CYP24A1: variants seen among roughly 807,000 people sequenced by gnomAD.
CYP24A1 encodes the protein cytochrome P450 family 24 subfamily A member 1, also known as 1,25-dihydroxyvitamin D(3) 24-hydroxylase, mitochondrial.
In CYP24A1, 68 loss-of-function variants were observed where a neutral mutation model predicts 62.4. The ratio of observed to expected loss-of-function variants is 1.09; its 90% CI spans 0.90 to 1.33. CYP24A1 has a LOEUF of 1.33. Ranked by LOEUF, CYP24A1 falls within the 40% of genes most tolerant of loss-of-function variation. CYP24A1 has a pLI of 0.00. For synonymous variants in CYP24A1, 267 were observed against 253.0 expected (o/e 1.06, Z -0.52); for missense variants, 787 against 653.0 (o/e 1.21, Z -2.24).
chr20:54,173,134 G>T lies in CYP24A1; in HGVS notation c.259-35C>A, dbSNP rs548016409. Reference sequence around the variant, plus strand: ...GCCGGGCACAGCGCGGTGTCAGCGCGCATCCTCCGCCGTGCCCGAAGCGCT... The same window carrying T: ...GCCGGGCACAGCGCGGTGTCAGCGCTCATCCTCCGCCGTGCCCGAAGCGCT... On this transcript the variant is annotated intron_variant, in intron 1 of 11. Transcript: ENST00000216862. The surrounding 1 kb of genome is among the most constrained non-coding windows in gnomAD (Gnocchi z 7.2). The T allele has an allele frequency of 4.4e-6, 7 of 1,596,098 alleles. No individual in the cohort carries two copies. The East Asian group carries it at 1.3e-4, about 31-fold the overall frequency.
chr20:54,149,093 C>T (rs1238979043), downstream of CYP24A1, among the ~76,000 whole-genome samples: 1 of 152,242 alleles, frequency 6.6e-6, no homozygotes, highest in Non-Finnish European at 1.5e-5. Context: ...TGATGCTTGG[C>T]TTACAGATCT....
downstream of CYP24A1, among the ~76,000 whole-genome samples, chr20:54,151,508 T>C (rs904257125): frequency 2.6e-5 from 4 of 151,766 alleles, no homozygotes; most frequent in African/African-American, 9.7e-5. Context: ...AGTTGCCAAA[T>C]AGTGATTTTT....
chr20:54,165,777 C>T lies in CYP24A1; in HGVS notation c.697G>A (p.Asp233Asn). ...GCCATGATGAAGTTCACAGCTTCATCCCCTGCATTCTTCTGGAGAAGCCCA... is the reference window on the plus strand; with the variant it reads ...GCCATGATGAAGTTCACAGCTTCATTCCCTGCATTCTTCTGGAGAAGCCCA... ...RFGLLQKNAG[D>N]EAVNFIMAIK... The change falls in exon 5 of 12, where the codon GAT becomes AAT. Residue 233 changes from aspartate to asparagine, a missense_variant. Transcript: ENST00000216862. The T allele has an allele frequency of 1.3e-6, 2 of 1,542,426 alleles. No individual in the cohort carries two copies. Among genetic ancestry groups the T allele is most frequent in the South Asian group, 1.1e-5 (1 of 89,732 alleles).
At chr20:54,152,562 TAGG>T (rs745375374), downstream of CYP24A1, among the ~76,000 whole-genome samples, 4 of 152,114 alleles carry the variant, frequency 2.6e-5, no homozygotes, top group Admixed American at 2.0e-4. Flanking sequence ...AGATGGTGCG[TAGG>T]AGAAGAACAG....
intron 4 of CYP24A1, among the ~76,000 whole-genome samples, chr20:54,166,868 C>A (rs1282111895): frequency 6.6e-6 from 1 of 151,746 alleles, no homozygotes; most frequent in Admixed American, 6.6e-5. Context: ...GCTGTCTCTA[C>A]AAAAAAATAA....
At chr20:54,159,946 AC>A (rs2092644333) in intron 7 of CYP24A1, among the ~76,000 whole-genome samples, 1 of 152,240 alleles carries the variant, frequency 6.6e-6, no homozygotes, top group Non-Finnish European at 1.5e-5. Flanking sequence ...GATATAAAAA[AC>A]ATTCATATAA....
downstream of CYP24A1, among the ~76,000 whole-genome samples, chr20:54,149,741 A>G (rs1202984446): frequency 1.3e-5 from 2 of 152,196 alleles, no homozygotes; most frequent in Non-Finnish European, 2.9e-5. Flanking sequence ...GAGTGGAAAG[A>G]TGACTATGGA....
rs1160140564 is a variant in CYP24A1 at position 54,173,490 on chromosome 20, A to G, written c.90T>C (p.Ser30=). Residue 30 remains serine, a synonymous_variant, in exon 1 of 12, where the codon TCT becomes TCC. Transcript: ENST00000216862. This position sits in a 1 kb window ranked among gnomAD's most constrained non-coding sequence, Gnocchi z 7.2. ...GCGGCTGAGGGGACGTGTACGCCGT[A>G]GATGTCACCAGTCTCGGGGGCTGCC... ...SPRQPPRLVT[S]TAYTSPQPRE... 6.4e-7 allele frequency: 1 copy of G among 1,566,224 alleles called. No homozygotes were observed. Among genetic ancestry groups the G allele is most frequent in the Admixed American group, 1.9e-5 (1 of 53,612 alleles).
downstream of CYP24A1, among the ~76,000 whole-genome samples, chr20:54,150,419 CG>C (rs1365250326): frequency 7.6e-6 from 1 of 132,370 alleles, no homozygotes; most frequent in African/African-American, 3.2e-5. Context: ...CTGTAACCTC[CG>C]CCCCCCAGGT....
chr20:54,168,219 C>T (rs576291981), intron 4 of CYP24A1, among the ~76,000 whole-genome samples: 31 of 152,336 alleles, frequency 2.0e-4, no homozygotes, highest in African/African-American at 5.8e-4. Context: ...CTCAGCCAGG[C>T]GCTGTCCCAC....
intron 3 of CYP24A1, among the ~76,000 whole-genome samples, chr20:54,170,208 T>G (rs2092689239): frequency 6.6e-6 from 1 of 152,232 alleles, no homozygotes; most frequent in South Asian, 2.1e-4. Context: ...GTCTATGACC[T>G]TGGGATAGTC....
chr20:54,173,346 AC>A lies in CYP24A1; in HGVS notation c.233del (p.Gly78ValfsTer22), dbSNP rs1568976467. The A allele has an allele frequency of 6.2e-7, 1 of 1,607,136 alleles. No homozygotes were observed. The highest frequency in any genetic ancestry group is 1.7e-4 in the Middle Eastern group (1 of 6,050). On this transcript the variant is annotated frameshift_variant, in exon 1 of 12. Coordinates refer to ENST00000216862, the MANE Select transcript of CYP24A1 (RefSeq NM_000782.5). LOFTEE classifies it high-confidence loss of function. The surrounding 1 kb of genome is among the most constrained non-coding windows in gnomAD (Gnocchi z 7.2). ...GSLLQILWKG[G>X]LKKQHDTLVE... ...CCAGGGTGTCGTGCTGTTTCTTGAGACCCCCTTTCCAGAGAATCTGCAGCAG... is the reference window on the plus strand; with the variant it reads ...CCAGGGTGTCGTGCTGTTTCTTGAGACCCCTTTCCAGAGAATCTGCAGCAG...
Position 54,173,445 on chromosome 20 carries a change from C to A in CYP24A1, c.135G>T (p.Pro45=). ...SPQPREVPVC[P]LTAGGETQNA... is the part of the protein sequence containing the mutation. Reference sequence around the variant, plus strand: ...TCTGAGTCTCGCCACCAGCTGTCAGCGGGCAGACTGGCACCTCTCGCGGCT... The same window carrying A: ...TCTGAGTCTCGCCACCAGCTGTCAGAGGGCAGACTGGCACCTCTCGCGGCT... Residue 45 remains proline, a synonymous_variant, in exon 1 of 12, where the codon CCG becomes CCT. Coordinates refer to ENST00000216862, the MANE Select transcript of CYP24A1 (RefSeq NM_000782.5). This position sits in a 1 kb window ranked among gnomAD's most constrained non-coding sequence, Gnocchi z 7.2. 2 of 1,568,252 alleles carry A rather than the reference C, an allele frequency of 1.3e-6. No homozygotes were observed. Among genetic ancestry groups the A allele is most frequent in the Non-Finnish European group, 1.7e-6 (2 of 1,156,224 alleles).
chr20:54,171,975 G>A (rs923351534), intron 2 of CYP24A1: 5 of 463,572 alleles, frequency 1.1e-5, no homozygotes, highest in African/African-American at 8.0e-5. Flanking sequence ...GGGGCTGGGA[G>A]GCCTGGGGAC....
the CYP24A1 span, among the ~76,000 whole-genome samples, chr20:54,148,308 TG>T: frequency 6.6e-6 from 1 of 151,858 alleles, no homozygotes; most frequent in Non-Finnish European, 1.5e-5. Flanking sequence ...TTCAAGCATT[TG>T]CATTTTACTA....
At chr20:54,158,223 T>A in intron 8 of CYP24A1, 59 bp from the exon 9 acceptor site, 1 of 1,607,454 alleles carries the variant, frequency 6.2e-7, no homozygotes, top group Non-Finnish European at 8.5e-7. Context: ...CTCTGAAGTG[T>A]CAATGGGAAT....
At chr20:54,171,432 G>A (rs889205772) in intron 3 of CYP24A1, 145 bp downstream of exon 3, 20 of 1,511,274 alleles carry the variant, frequency 1.3e-5, no homozygotes, top group Non-Finnish European at 1.7e-5. Context: ...GCTGTAGGAA[G>A]GAATGGAGAG....
Position 54,173,592 on chromosome 20 carries a change from C to T in CYP24A1, c.-13G>A. ...TGGGGGAGCTCATGGCAGCGGGGGA[C>T]ACCGGAGCGCGGGAAGGCAGGAGGA... On this transcript the variant is annotated 5_prime_UTR_variant, in exon 1 of 12. Coordinates refer to ENST00000216862, the MANE Select transcript of CYP24A1 (RefSeq NM_000782.5). This position sits in a 1 kb window ranked among gnomAD's most constrained non-coding sequence, Gnocchi z 7.2. 1 of 1,564,554 alleles carries T rather than the reference C, an allele frequency of 6.4e-7. No individual in the cohort carries two copies. The highest frequency in any genetic ancestry group is 8.6e-7 in the Non-Finnish European group (1 of 1,159,316).
chr20:54,149,869 C>T (rs570017670), downstream of CYP24A1, among the ~76,000 whole-genome samples: 2 of 152,314 alleles, frequency 1.3e-5, no homozygotes, highest in East Asian at 1.9e-4. Context: ...TCCTGATGCC[C>T]TTGGTGTGGT....
Sources: gnomAD v4.1 joint callset for allele counts (sites outside exome capture counted in the v4.1 genomes callset) on GRCh38, gnomAD v4.1.1 for gene constraint, Gnocchi (gnomAD v3.1) non-coding constraint, MANE v1.5 for transcripts, NCBI Gene and HGNC (gene_info 2026-07-23, HGNC 2026-07-21) for gene names.